The following RIMS2 variants were observed in gnomAD, a reference collection of about 807,000 sequenced individuals.
The protein encoded by RIMS2 is regulating synaptic membrane exocytosis 2.
Under a neutral mutation model 174.4 loss-of-function variants are expected in RIMS2, and 59 were observed. That is an observed-to-expected ratio of 0.34 (90% CI 0.27 to 0.42). RIMS2 has a LOEUF of 0.42. Among genes scored for constraint, RIMS2 ranks in the 10% least tolerant of loss-of-function variants. RIMS2 has a pLI of 1.00. For synonymous variants in RIMS2, 606 were observed against 572.5 expected (o/e 1.06, Z -0.84); for missense variants, 1,620 against 1,666.3 (o/e 0.97, Z 0.48).
At chr8:104,026,763 G>A (rs1337218613) in intron 19 of RIMS2, among the ~76,000 whole-genome samples, 3 of 152,142 alleles carry the variant, frequency 2.0e-5, no homozygotes, top group Non-Finnish European at 4.4e-5. Flanking sequence ...CTAGGTATTG[G>A]ATACCATTTA....
chr8:104,192,989 CAG>C (rs1476492009), intron 19 of RIMS2, among the ~76,000 whole-genome samples: 1 of 152,050 alleles, frequency 6.6e-6, no homozygotes, highest in Non-Finnish European at 1.5e-5. Context: ...ACTAGAGAAA[CAG>C]GGTGGAGAGA....
At chr8:104,168,577 G>C (rs899524598) in intron 19 of RIMS2, among the ~76,000 whole-genome samples, 2 of 151,766 alleles carry the variant, frequency 1.3e-5, no homozygotes, top group Non-Finnish European at 2.9e-5. Flanking sequence ...GAGTCTTTAG[G>C]GTTTTCAGGG....
intron 3 of RIMS2, among the ~76,000 whole-genome samples, chr8:103,823,197 T>A (rs1226345733): frequency 6.6e-6 from 1 of 151,996 alleles, no homozygotes; most frequent in Non-Finnish European, 1.5e-5. Flanking sequence ...AGAGGCATAA[T>A]AAAACTGGAA....
At chr8:103,752,769 T>C (rs1471076530) in intron 2 of RIMS2, among the ~76,000 whole-genome samples, 1 of 152,208 alleles carries the variant, frequency 6.6e-6, no homozygotes, top group African/African-American at 2.4e-5. Context: ...CTTGTGATTT[T>C]TGTACATTGA....
chr8:104,052,755 C>T (rs911781228), intron 19 of RIMS2, among the ~76,000 whole-genome samples: 4 of 151,936 alleles, frequency 2.6e-5, no homozygotes, highest in Non-Finnish European at 2.9e-5. Context: ...TGGAAATGTG[C>T]GTCTTAGAGC....
At chr8:103,625,057 ACTTCAACTGGCTGT>A (rs1265220014) in intron 1 of RIMS2, among the ~76,000 whole-genome samples, 3 of 152,110 alleles carry the variant, frequency 2.0e-5, no homozygotes, top group Non-Finnish European at 4.4e-5. Flanking sequence ...TTTGTTTCTT[ACTTCAACTGGCTGT>A]CTTTCTTGTT....
intron 19 of RIMS2, among the ~76,000 whole-genome samples, chr8:104,126,517 C>T (rs978463282): frequency 1.3e-4 from 20 of 152,096 alleles, no homozygotes; most frequent in African/African-American, 4.8e-4. Flanking sequence ...GTCTCTAGAA[C>T]CAGGTTAAAT....
At chr8:103,581,628 A>T (rs571192683) in intron 1 of RIMS2, among the ~76,000 whole-genome samples, 1 of 152,228 alleles carries the variant, frequency 6.6e-6, no homozygotes, top group Non-Finnish European at 1.5e-5. Context: ...TGGCCAGAGC[A>T]ATTAAGCAAG....
At chr8:103,971,457 G>T (rs1376382515) in intron 15 of RIMS2, among the ~76,000 whole-genome samples, 8 of 151,928 alleles carry the variant, frequency 5.3e-5, no homozygotes, top group African/African-American at 9.7e-5. Context: ...TCTTTCTCAA[G>T]ATTCTTTTCC....
At chr8:103,573,931 T>C (rs962256335) in intron 1 of RIMS2, among the ~76,000 whole-genome samples, 2 of 152,186 alleles carry the variant, frequency 1.3e-5, no homozygotes, top group African/African-American at 4.8e-5. Flanking sequence ...ACCTATTTGG[T>C]TTGATGTATT....
At chr8:103,791,019 T>G (rs564154187) in intron 3 of RIMS2, among the ~76,000 whole-genome samples, 47 of 152,282 alleles carry the variant, frequency 3.1e-4, no homozygotes, top group Non-Finnish European at 5.3e-4. Flanking sequence ...CCAGGAGAAC[T>G]TTCCCAACCT....
At chr8:103,565,205 G>A (rs1587864731) in intron 1 of RIMS2, among the ~76,000 whole-genome samples, 1 of 152,170 alleles carries the variant, frequency 6.6e-6, no homozygotes. Context: ...GTTTATAAAA[G>A]CTGCCGTACA....
intron 19 of RIMS2, among the ~76,000 whole-genome samples, chr8:104,178,812 A>G (rs535013216): frequency 6.6e-6 from 1 of 152,146 alleles, no homozygotes; most frequent in Non-Finnish European, 1.5e-5. Flanking sequence ...CCAATCATGC[A>G]TACTTAAAAC....
intron 4 of RIMS2, among the ~76,000 whole-genome samples, chr8:103,895,456 T>G (rs1476132042): frequency 1.3e-5 from 2 of 151,488 alleles, no homozygotes; most frequent in South Asian, 2.1e-4. Flanking sequence ...GTGGGAGAGA[T>G]AATCTCTCTT....
At chr8:103,540,861 A>G (rs1842251089) in intron 1 of RIMS2, among the ~76,000 whole-genome samples, 1 of 152,170 alleles carries the variant, frequency 6.6e-6, no homozygotes, top group South Asian at 2.1e-4. Context: ...AGAAAAAACA[A>G]TGACTGGAAT....
intron 4 of RIMS2, among the ~76,000 whole-genome samples, chr8:103,907,725 T>A (rs574407338): frequency 4.9e-4 from 74 of 151,796 alleles, no homozygotes; most frequent in African/African-American, 1.4e-3. Flanking sequence ...TTTTTTGTTT[T>A]TTTTATTTTA....
At chr8:104,055,901 CTCTT>C (rs989314607) in intron 19 of RIMS2, among the ~76,000 whole-genome samples, 8 of 152,010 alleles carry the variant, frequency 5.3e-5, no homozygotes, top group Non-Finnish European at 1.2e-4. Flanking sequence ...TCCTCTCTTC[CTCTT>C]TCTTTATCTC....
intron 1 of RIMS2, among the ~76,000 whole-genome samples, chr8:103,643,451 C>A (rs77398579): frequency 1.3e-5 from 2 of 151,920 alleles, no homozygotes; most frequent in African/African-American, 2.4e-5. Context: ...ACTTAGAATG[C>A]CTTGTAATTT....
At chr8:103,714,957 T>A (rs1192614343) in intron 2 of RIMS2, among the ~76,000 whole-genome samples, 2 of 152,174 alleles carry the variant, frequency 1.3e-5, no homozygotes, top group Non-Finnish European at 2.9e-5. Flanking sequence ...TATTATTAAA[T>A]TTTTAATGAA....
Sources: gnomAD v4.1 joint callset for allele counts (sites outside exome capture counted in the v4.1 genomes callset) on GRCh38, gnomAD v4.1.1 for gene constraint, MANE v1.5 for transcripts, NCBI Gene and HGNC (gene_info 2026-07-23, HGNC 2026-07-21) for gene names.